CCDC149: variants seen among roughly 807,000 people sequenced by gnomAD.
CCDC149 encodes the protein coiled-coil domain containing 149.
CCDC149 carries 45 observed loss-of-function variants against 59.9 expected under a neutral mutation model. That is an observed-to-expected ratio of 0.75 (90% CI 0.59 to 0.96). The LOEUF is 0.96. Ranked by LOEUF, CCDC149 falls within the 40% of genes least tolerant of loss-of-function variation. The probability of loss-of-function intolerance (pLI) is 0.00; values close to 1 mark genes in which losing one functional copy is unlikely to be tolerated. For synonymous variants in CCDC149, 245 were observed against 260.6 expected, an observed-to-expected ratio of 0.94 and a Z score of 0.58; for missense variants, 584 against 664.7, an observed-to-expected ratio of 0.88 and a Z score of 1.33.
At chr4:24,878,055 C>A (rs750125035) in intron 1 of CCDC149, among the ~76,000 whole-genome samples, 7 of 152,006 alleles carry the variant, frequency 4.6e-5, no homozygotes, top group Admixed American at 6.5e-5. Flanking sequence ...CAAAGCAGAG[C>A]GAGAATCAGC....
chr4:24,826,286 A>G (rs140655931), intron 9 of CCDC149, among the ~76,000 whole-genome samples: 197 of 152,282 alleles, frequency 1.3e-3, no homozygotes, highest in African/African-American at 4.5e-3. Flanking sequence ...GCAAGGAAGC[A>G]GGATGAGGAA....
chr4:24,942,096 A>C (rs1722971236), intron 1 of CCDC149, among the ~76,000 whole-genome samples: 1 of 152,230 alleles, frequency 6.6e-6, no homozygotes, highest in Non-Finnish European at 1.5e-5. Flanking sequence ...ACAACAAAAA[A>C]AGAGAATTTT....
Position 24,858,323 on chromosome 4 carries a change from C to G in CCDC149, c.265-5144G>C, listed in dbSNP as rs529306622. Among the ~76,000 whole-genome samples, 3 of 152,268 alleles carry G rather than the reference C, an allele frequency of 2.0e-5. No homozygotes were observed. The East Asian group carries it at 5.8e-4, about 29-fold the overall frequency. ...GTTTCACAGGGAAGGAAAACAAAAC[C>G]AAGAGATTCTTTCCTCTAAATCTCT... On this transcript the variant is annotated intron_variant, in intron 3 of 12. Transcript: ENST00000635206.
At chr4:24,844,381 G>T (rs1343904391) in intron 4 of CCDC149, among the ~76,000 whole-genome samples, 2 of 152,144 alleles carry the variant, frequency 1.3e-5, no homozygotes, top group East Asian at 3.8e-4. Flanking sequence ...ACAGTAGCGA[G>T]AACCCCCTGA....
At chr4:24,908,816 T>C (rs773860102) in intron 1 of CCDC149, among the ~76,000 whole-genome samples, 7 of 152,252 alleles carry the variant, frequency 4.6e-5, no homozygotes, top group Non-Finnish European at 7.3e-5. Flanking sequence ...AGGAGATTGA[T>C]TGCTATCTAA....
intron 3 of CCDC149, among the ~76,000 whole-genome samples, chr4:24,856,715 G>GT (rs1220461307): frequency 6.6e-6 from 1 of 152,182 alleles, no homozygotes; most frequent in African/African-American, 2.4e-5. Flanking sequence ...TCGTTTCCTG[G>GT]TTCCCCCTCT....
chr4:24,834,451 T>C lies in CCDC149; in HGVS notation c.820+497A>G, dbSNP rs540274714. 1.1e-4 allele frequency among the ~76,000 whole-genome samples: 16 copies of C among 152,300 alleles called. 1 individual carries two copies. In the Middle Eastern group the frequency reaches 0.02, roughly 194 times the overall value. ...GCTTCTTCGAAAAAGGCACATGTTA[T>C]GTGAGAAAATGATTTCAGCAGCTAG... On this transcript the variant is annotated intron_variant, in intron 8 of 12. Transcript: ENST00000635206.
intron 1 of CCDC149, among the ~76,000 whole-genome samples, chr4:24,892,980 A>C (rs1720613669): frequency 6.6e-6 from 1 of 152,192 alleles, no homozygotes; most frequent in Non-Finnish European, 1.5e-5. Flanking sequence ...ACAGAGAGAA[A>C]AGGGGGCTGA....
At chr4:24,822,036 G>T (rs1440459739) in intron 10 of CCDC149, among the ~76,000 whole-genome samples, 1 of 152,116 alleles carries the variant, frequency 6.6e-6, no homozygotes, top group African/African-American at 2.4e-5. Context: ...ACAAATCTTT[G>T]TATGTTCTTA....
At chr4:24,881,717 G>C (rs963403820) in intron 1 of CCDC149, among the ~76,000 whole-genome samples, 1 of 152,188 alleles carries the variant, frequency 6.6e-6, no homozygotes, top group Non-Finnish European at 1.5e-5. Flanking sequence ...CACTGAGGAC[G>C]AGGGTTCATG....
At chr4:24,958,284 C>A (rs1157972247) in intron 1 of CCDC149, among the ~76,000 whole-genome samples, 1 of 152,218 alleles carries the variant, frequency 6.6e-6, no homozygotes, top group Non-Finnish European at 1.5e-5. Context: ...AGAAGACTTT[C>A]CTTTGGAAAC....
chr4:24,828,948 G>A (rs563987192), intron 9 of CCDC149: 8 of 152,556 alleles, frequency 5.2e-5, no homozygotes, highest in African/African-American at 1.7e-4. Context: ...TTTGCAGTGG[G>A]TATGGTTAGG....
chr4:24,917,071 G>A (rs115885278), upstream of CCDC149, among the ~76,000 whole-genome samples: 2,536 of 152,168 alleles, frequency 0.017, 39 homozygotes, highest in Non-Finnish European at 0.025. Context: ...CCTACCTAGA[G>A]GTTCTCTGGG....
chr4:24,943,521 C>T (rs540303035), intron 1 of CCDC149, among the ~76,000 whole-genome samples: 1 of 152,272 alleles, frequency 6.6e-6, no homozygotes, highest in Admixed American at 6.5e-5. Context: ...GACTTCATGT[C>T]TAAAACACCA....
At chr4:24,917,397 AC>A (rs1237349609), upstream of CCDC149, among the ~76,000 whole-genome samples, 4 of 152,282 alleles carry the variant, frequency 2.6e-5, no homozygotes, top group African/African-American at 2.4e-5. Context: ...CAGGCCGGGG[AC>A]CCGCAGTTGT....
chr4:24,848,082 C>T (rs1717415394), intron 4 of CCDC149, among the ~76,000 whole-genome samples: 1 of 151,898 alleles, frequency 6.6e-6, no homozygotes, highest in Non-Finnish European at 1.5e-5. Context: ...TATCGTATGC[C>T]ATTCTGAGTA....
intron 1 of CCDC149, among the ~76,000 whole-genome samples, chr4:24,960,821 C>A (rs1448542027): frequency 6.6e-6 from 1 of 152,214 alleles, no homozygotes; most frequent in East Asian, 1.9e-4. Context: ...AATATCAACA[C>A]TCTTCACTCA....
intron 8 of CCDC149, among the ~76,000 whole-genome samples, chr4:24,833,301 G>A (rs1372542574): frequency 2.6e-5 from 4 of 151,782 alleles, no homozygotes; most frequent in Admixed American, 6.6e-5. Context: ...CATAAAATTG[G>A]ATGGCTGCTT....
At chr4:24,949,596 A>G (rs1723220286) in intron 1 of CCDC149, among the ~76,000 whole-genome samples, 1 of 152,204 alleles carries the variant, frequency 6.6e-6, no homozygotes, top group South Asian at 2.1e-4. Flanking sequence ...ATAAGATAGA[A>G]TTCCTAGTCT....
Sources: gnomAD v4.1 joint callset for allele counts (sites outside exome capture counted in the v4.1 genomes callset) on GRCh38, gnomAD v4.1.1 for gene constraint, MANE v1.5 for transcripts, NCBI Gene and HGNC (gene_info 2026-07-23, HGNC 2026-07-21) for gene names.